SCN11A: variants seen among roughly 807,000 people sequenced by gnomAD.
SCN11A encodes the protein sodium channel protein type 11 subunit alpha.
SCN11A carries 122 observed loss-of-function variants against 162.2 expected under a neutral mutation model. That is an observed-to-expected ratio of 0.75 (90% CI 0.65 to 0.87). The LOEUF is 0.87. Among genes scored for constraint, SCN11A ranks in the 40% least tolerant of loss-of-function variants. The pLI, the probability that SCN11A is intolerant of heterozygous loss-of-function variation, is 0.00. For missense variants in SCN11A, 2,015 were observed against 2,181.6 expected (o/e 0.92, Z 1.52); for synonymous variants, 758 against 751.5 (o/e 1.01, Z -0.14).
At chr3:39,027,982 C>A (rs1383892988) in intron 2 of SCN11A, among the ~76,000 whole-genome samples, 1 of 152,228 alleles carries the variant, frequency 6.6e-6, no homozygotes, top group African/African-American at 2.4e-5. Context: ...AGGTGGTCCT[C>A]TTGAGTGGGA....
intron 16 of SCN11A, among the ~76,000 whole-genome samples, chr3:38,902,742 C>T (rs895159840): frequency 6.6e-5 from 10 of 152,076 alleles, no homozygotes; most frequent in Admixed American, 2.6e-4. Flanking sequence ...TGGTCTTGAT[C>T]TCCTGACCTC....
chr3:38,965,924 G>A (rs2066778946), intron 2 of SCN11A, among the ~76,000 whole-genome samples: 2 of 151,942 alleles, frequency 1.3e-5, no homozygotes, highest in Middle Eastern at 3.4e-3. Context: ...AGGCTGCAGT[G>A]AGTTAGGATT....
At chr3:38,995,906 A>G (rs1186609376) in intron 2 of SCN11A, among the ~76,000 whole-genome samples, 1 of 152,078 alleles carries the variant, frequency 6.6e-6, no homozygotes, top group Non-Finnish European at 1.5e-5. Flanking sequence ...CAATGTACAG[A>G]TAAGGATGTA....
In SCN11A at chr3:38,958,577, C is replaced by A. The variant is rs2066710101; in HGVS notation, c.-139+1706G>T. On this transcript the variant is annotated intron_variant, in intron 3 of 29. Transcript: ENST00000302328. Reference sequence around the variant, plus strand: ...CATTCACTAAATACAATTTAGAAATCAGGAAAAGGAAATTATTACCCACAA... The same window carrying A: ...CATTCACTAAATACAATTTAGAAATAAGGAAAAGGAAATTATTACCCACAA... Among the ~76,000 whole-genome samples, 3 of 152,276 alleles carry A rather than the reference C, an allele frequency of 2.0e-5. No homozygotes were observed. In the South Asian group the frequency reaches 6.2e-4, roughly 32 times the overall value.
chr3:38,951,265 G>A (rs974064188), intron 4 of SCN11A, among the ~76,000 whole-genome samples: 12 of 152,218 alleles, frequency 7.9e-5, no homozygotes, highest in Admixed American at 5.9e-4. Context: ...TGGCCCTGCC[G>A]GCCCGGGCAG....
intron 14 of SCN11A, among the ~76,000 whole-genome samples, chr3:38,907,543 A>C (rs1348068327): frequency 6.6e-6 from 1 of 151,448 alleles, no homozygotes; most frequent in Non-Finnish European, 1.5e-5. Flanking sequence ...CAAATAATCT[A>C]CTTGCATTGT....
intron 11 of SCN11A, among the ~76,000 whole-genome samples, chr3:38,911,306 T>A (rs1299240710): frequency 6.6e-6 from 1 of 152,210 alleles, no homozygotes; most frequent in Non-Finnish European, 1.5e-5. Context: ...AGAAATAGAA[T>A]TCTGAGTTGG....
chr3:38,907,351 T>TATAC (rs1491371418), intron 14 of SCN11A, among the ~76,000 whole-genome samples: 4 of 56,352 alleles, frequency 7.1e-5, no homozygotes, highest in African/African-American at 2.0e-4. Flanking sequence ...TGTATATATC[T>TATAC]ATATATACAC....
intron 1 of SCN11A, among the ~76,000 whole-genome samples, chr3:39,044,095 A>G (rs1488839540): frequency 6.6e-6 from 1 of 152,214 alleles, no homozygotes; most frequent in Non-Finnish European, 1.5e-5. Context: ...CTGTAAAAAG[A>G]GAAAAAGAAT....
At chr3:38,937,419 G>A (rs556941740) in intron 7 of SCN11A, among the ~76,000 whole-genome samples, 410 of 148,394 alleles carry the variant, frequency 2.8e-3, no homozygotes, top group African/African-American at 7.4e-3. Flanking sequence ...AGAAACTACC[G>A]TCAGAGTTAA....
chr3:38,949,058 T>C (rs988374226), intron 5 of SCN11A, among the ~76,000 whole-genome samples: 2 of 152,250 alleles, frequency 1.3e-5, no homozygotes, highest in African/African-American at 4.8e-5. Flanking sequence ...TTGAAGTACA[T>C]GCAAATCAGG....
chr3:38,908,688 AT>A (rs2065839117), intron 13 of SCN11A, among the ~76,000 whole-genome samples: 2 of 152,242 alleles, frequency 1.3e-5, no homozygotes, highest in Non-Finnish European at 1.5e-5. Context: ...CACAGCCTGG[AT>A]TTACATATAC....
chr3:39,050,034 G>T (rs183245834), intron 1 of SCN11A, among the ~76,000 whole-genome samples: 316 of 152,276 alleles, frequency 2.1e-3, no homozygotes, highest in Non-Finnish European at 3.6e-3. Context: ...TACCTGTATT[G>T]TATTTTGCAC....
In SCN11A at chr3:38,910,131, C is replaced by A. The variant is rs764999259; in HGVS notation, c.1036G>T (p.Gly346Cys). ...CGGAACATGGCAAGAAAAGACCAGC[C>A]AAAGTTGTCAAAATTCGTATAATTA... ...DYNYTNFDNF[G>C]WSFLAMFRLM... The change falls in exon 12 of 30, where the codon GGC becomes TGC. Residue 346 changes from glycine (G) to cysteine (C), a missense_variant. Transcript: ENST00000302328. 6.2e-7 allele frequency: 1 copy of A among 1,613,688 alleles called. No individual in the cohort carries two copies. The highest frequency in any genetic ancestry group is 8.5e-7 in the Non-Finnish European group (1 of 1,179,866).
At chr3:38,953,540 G>T (rs1417051685) in intron 4 of SCN11A, among the ~76,000 whole-genome samples, 89 bp downstream of exon 4, 1 of 152,154 alleles carries the variant, frequency 6.6e-6, no homozygotes, top group South Asian at 2.1e-4. Flanking sequence ...TACAGGGGAT[G>T]ATCTAATGAC....
intron 11 of SCN11A, among the ~76,000 whole-genome samples, chr3:38,917,994 T>C (rs2065986449): frequency 6.6e-6 from 1 of 152,238 alleles, no homozygotes; most frequent in East Asian, 1.9e-4. Context: ...TATTGTCATA[T>C]ACACATCACA....
intron 2 of SCN11A, among the ~76,000 whole-genome samples, chr3:39,004,507 C>CT (rs926733887): frequency 6.6e-6 from 1 of 152,046 alleles, no homozygotes; most frequent in Non-Finnish European, 1.5e-5. Context: ...TATTTGGGCT[C>CT]TTTTTTTATT....
intron 23 of SCN11A, among the ~76,000 whole-genome samples, chr3:38,877,114 CTATATATATGGTGTATATACTA>C (rs2065226755): frequency 1.0e-4 from 9 of 86,166 alleles, no homozygotes; most frequent in Non-Finnish European, 1.6e-4. Flanking sequence ...GGTGTATATA[CTATATATATGGTGTATATACTA>C]TATATATGGT....
At chr3:38,944,788 C>G (rs2066491903) in intron 7 of SCN11A, among the ~76,000 whole-genome samples, 1 of 151,870 alleles carries the variant, frequency 6.6e-6, no homozygotes, top group Non-Finnish European at 1.5e-5. Flanking sequence ...TGGTGAAACC[C>G]TGTCTCTACT....
Sources: allele counts gnomAD v4.1 joint callset (sites outside exome capture counted in the v4.1 genomes callset), GRCh38; gene constraint gnomAD v4.1.1; transcripts MANE v1.5; gene names NCBI Gene and HGNC (gene_info 2026-07-23, HGNC 2026-07-21).